Variants in EPC2 observed in about 807,000 individuals in gnomAD.
The protein encoded by EPC2 is enhancer of polycomb homolog 2.
EPC2 carries 14 observed loss-of-function variants against 92.1 expected under a neutral mutation model. That is an observed-to-expected ratio of 0.15 (90% CI 0.10 to 0.24). EPC2 has a LOEUF of 0.24. EPC2 is among the 10% of genes least tolerant of loss of function. EPC2 has a pLI of 1.00. For synonymous variants in EPC2, 340 were observed against 334.7 expected, an observed-to-expected ratio of 1.02 and a Z score of -0.17; for missense variants, 755 against 971.5, an observed-to-expected ratio of 0.78 and a Z score of 2.96.
chr2:148,652,975 A>G (rs1267149037), intron 1 of EPC2, among the ~76,000 whole-genome samples: 1 of 152,106 alleles, frequency 6.6e-6, no homozygotes, highest in Non-Finnish European at 1.5e-5. Flanking sequence ...TTAATTTTCT[A>G]GTATCATTTT....
chr2:148,746,715 A>C (rs1041267039), intron 3 of EPC2, among the ~76,000 whole-genome samples: 9 of 152,264 alleles, frequency 5.9e-5, no homozygotes, highest in African/African-American at 2.2e-4. Context: ...TGTGATTATG[A>C]AAGAAAATAT....
intron 1 of EPC2, among the ~76,000 whole-genome samples, chr2:148,658,287 C>G (rs1215418492): frequency 6.6e-6 from 1 of 151,972 alleles, no homozygotes; most frequent in Non-Finnish European, 1.5e-5. Context: ...TGAGGAACAC[C>G]GGACTGCACT....
intron 2 of EPC2, among the ~76,000 whole-genome samples, chr2:148,702,145 C>T (rs565861197): frequency 1.3e-5 from 2 of 151,646 alleles, no homozygotes; most frequent in East Asian, 3.9e-4. Flanking sequence ...TTTCAGAAGT[C>T]AGGTGGCTTG....
chr2:148,727,546 G>A (rs16829185), intron 2 of EPC2, among the ~76,000 whole-genome samples: 30,093 of 152,066 alleles, frequency 0.2, 3,624 homozygotes, highest in East Asian at 0.49. Context: ...ATTATTTTAT[G>A]CCATTAGATG....
chr2:148,682,426 A>G (rs1558807926), intron 1 of EPC2, among the ~76,000 whole-genome samples: 1 of 152,220 alleles, frequency 6.6e-6, no homozygotes, highest in Non-Finnish European at 1.5e-5. Context: ...ATAAGCCTTT[A>G]TCTCCACTAA....
At chr2:148,769,819 T>C (rs1683482061) in intron 8 of EPC2, among the ~76,000 whole-genome samples, 1 of 152,202 alleles carries the variant, frequency 6.6e-6, no homozygotes, top group Non-Finnish European at 1.5e-5. Flanking sequence ...TGGCTTTGAC[T>C]TTCTTATATG....
chr2:148,762,099 A>G (rs1363563030), intron 5 of EPC2, 169 bp downstream of exon 5: 1 of 521,158 alleles, frequency 1.9e-6, no homozygotes, highest in East Asian at 4.4e-5. Flanking sequence ...TTATAGATTA[A>G]GTTATCAATT....
chr2:148,681,310 A>G (rs576450693), intron 1 of EPC2, among the ~76,000 whole-genome samples: 54 of 152,176 alleles, frequency 3.5e-4, no homozygotes, highest in African/African-American at 1.2e-3. Flanking sequence ...GTGACATTTT[A>G]AATGTGGACC....
chr2:148,709,609 C>T (rs1201686291), intron 2 of EPC2, among the ~76,000 whole-genome samples: 7 of 152,160 alleles, frequency 4.6e-5, no homozygotes, highest in Non-Finnish European at 1.0e-4. Context: ...TACAAGTCTA[C>T]AGTAACCAAA....
chr2:148,724,890 G>A (rs139246342), intron 2 of EPC2, among the ~76,000 whole-genome samples: 298 of 152,144 alleles, frequency 2.0e-3, no homozygotes, highest in Non-Finnish European at 3.2e-3. Flanking sequence ...GTTTTGAAGC[G>A]AACATGGATG....
At chr2:148,714,080 C>T in intron 2 of EPC2, among the ~76,000 whole-genome samples, 1 of 139,686 alleles carries the variant, frequency 7.2e-6, no homozygotes, top group South Asian at 2.7e-4. Flanking sequence ...CTGACAGGCC[C>T]CAGTGTGGGT....
intron 2 of EPC2, chr2:148,691,866 T>C (rs1191742728): frequency 1.7e-6 from 1 of 604,608 alleles, no homozygotes; most frequent in African/African-American, 1.8e-5. Flanking sequence ...CATAGCCCTT[T>C]GGTAATGTAT....
chr2:148,664,816 A>G (rs536258643), intron 1 of EPC2, among the ~76,000 whole-genome samples: 1 of 152,290 alleles, frequency 6.6e-6, no homozygotes, highest in Admixed American at 6.5e-5. Flanking sequence ...AGCTTGTATA[A>G]ATAGTTCACT....
intron 1 of EPC2, among the ~76,000 whole-genome samples, chr2:148,673,785 C>G (rs139876377): frequency 1.3e-5 from 2 of 151,944 alleles, no homozygotes; most frequent in Admixed American, 1.3e-4. Flanking sequence ...GGGGTTTTGC[C>G]GTGTTGGTCA....
chr2:148,662,185 G>C (rs1353035827), intron 1 of EPC2, among the ~76,000 whole-genome samples: 1 of 152,188 alleles, frequency 6.6e-6, no homozygotes, highest in Non-Finnish European at 1.5e-5. Flanking sequence ...TGGAGAGGAT[G>C]TGGAGAAATA....
chr2:148,654,740 GT>G (rs1227202599), intron 1 of EPC2, among the ~76,000 whole-genome samples: 3 of 152,168 alleles, frequency 2.0e-5, no homozygotes, highest in Non-Finnish European at 4.4e-5. Flanking sequence ...CCTTCCTTCT[GT>G]TTTCTGGCAC....
chr2:148,705,176 G>T (rs1307042871), intron 2 of EPC2, among the ~76,000 whole-genome samples: 1 of 151,904 alleles, frequency 6.6e-6, no homozygotes, highest in African/African-American at 2.4e-5. Flanking sequence ...ATAATTCCTT[G>T]ATAGCACCTA....
At chr2:148,700,224 A>G (rs1336260757) in intron 2 of EPC2, among the ~76,000 whole-genome samples, 1 of 152,062 alleles carries the variant, frequency 6.6e-6, no homozygotes, top group East Asian at 1.9e-4. Context: ...TTTTAATTTT[A>G]ATGAAGTCCA....
rs1281593514 is a variant in EPC2 at position 148,690,392 on chromosome 2, T to A, written c.313+19T>A. 1 of 1,557,998 alleles carries A rather than the reference T, an allele frequency of 6.4e-7. No individual in the cohort carries two copies. Among genetic ancestry groups the A allele is most frequent in the Non-Finnish European group, 8.6e-7 (1 of 1,156,912 alleles). The stretch of plus-strand genomic sequence containing the variant: ...ATTCAGCGTAAGTTTGTTAATTCAT[T>A]GTTTTCTGTTTGTACTTTAAATTTA... On this transcript the variant is annotated intron_variant, in intron 2 of 13. Transcript: ENST00000258484.
Sources: allele counts gnomAD v4.1 joint callset (sites outside exome capture counted in the v4.1 genomes callset), GRCh38; gene constraint gnomAD v4.1.1; transcripts MANE v1.5; gene names NCBI Gene and HGNC (gene_info 2026-07-23, HGNC 2026-07-21).